The following ZNF532 variants were observed in gnomAD, a reference collection of about 807,000 sequenced individuals.
ZNF532 encodes zinc finger protein 532.
Under a neutral mutation model 89.3 loss-of-function variants are expected in ZNF532, and 22 were observed. That is an observed-to-expected ratio of 0.25 (90% CI 0.18 to 0.35). ZNF532 has a LOEUF of 0.35. Ranked by LOEUF, ZNF532 falls within the 10% of genes least tolerant of loss-of-function variation. ZNF532 has a pLI of 1.00. For missense variants in ZNF532, 1,132 were observed against 1,643.4 expected (o/e 0.69, Z 5.38); for synonymous variants, 606 against 649.6 (o/e 0.93, Z 1.02).
intron 3 of ZNF532, among the ~76,000 whole-genome samples, chr18:58,934,081 T>C (rs1052339508): frequency 6.6e-6 from 1 of 152,232 alleles, no homozygotes; most frequent in Non-Finnish European, 1.5e-5. Flanking sequence ...TGTGTATGCC[T>C]ATAAACTTGT....
chr18:58,869,922 A>G (rs942965799), intron 2 of ZNF532, among the ~76,000 whole-genome samples: 7 of 151,566 alleles, frequency 4.6e-5, no homozygotes, highest in African/African-American at 1.7e-4. Flanking sequence ...GCGTGCCACC[A>G]TGCCTGGCTA....
At chr18:58,907,910 T>G (rs2060037100) in intron 2 of ZNF532, among the ~76,000 whole-genome samples, 1 of 152,214 alleles carries the variant, frequency 6.6e-6, no homozygotes, top group Admixed American at 6.5e-5. Context: ...AGCCGCAGTC[T>G]GACTAGGAAG....
chr18:58,892,853 A>C (rs2058994968), intron 2 of ZNF532, among the ~76,000 whole-genome samples: 1 of 152,216 alleles, frequency 6.6e-6, no homozygotes. Flanking sequence ...TGGTGGGTGA[A>C]ATGATGAGAT....
chr18:58,965,026 CTT>C (rs892169553), intron 7 of ZNF532, among the ~76,000 whole-genome samples: 8 of 149,002 alleles, frequency 5.4e-5, no homozygotes, highest in Admixed American at 4.0e-4. Flanking sequence ...TTAATACTAA[CTT>C]TTATTATAAT....
chr18:58,982,671 G>A (rs920275692), intron 9 of ZNF532, among the ~76,000 whole-genome samples: 4 of 152,090 alleles, frequency 2.6e-5, no homozygotes, highest in South Asian at 2.1e-4. Context: ...TCCTGTCTTC[G>A]GTGCTATGCT....
At position 58,985,384 on chromosome 18, in the gene ZNF532, A is replaced by G. The variant is rs2068290755; in HGVS notation, c.*918A>G. 1 of 152,670 alleles carries G rather than the reference A, an allele frequency of 6.6e-6. No homozygotes were observed. The highest frequency in any genetic ancestry group is 2.4e-5 in the African/African-American group (1 of 41,456). The allele number at this position is 152,670 out of a possible 1,614,324, so 9.5% of individuals were successfully genotyped here. On this transcript the variant is annotated 3_prime_UTR_variant, in exon 10 of 10. Transcript: ENST00000591808. ...TACAGAAACACAGCTAAGAATATCA[A>G]GTATTTCTCTGGCTCTTGACAGAAA...
chr18:58,975,562 A>G (rs192721761), intron 7 of ZNF532, among the ~76,000 whole-genome samples: 121 of 152,364 alleles, frequency 7.9e-4, no homozygotes, highest in Admixed American at 4.2e-3. Flanking sequence ...AGGCCGTACC[A>G]TCCCAAGCAC....
chr18:58,901,021 C>G (rs1356162632), intron 2 of ZNF532, among the ~76,000 whole-genome samples: 3 of 152,334 alleles, frequency 2.0e-5, no homozygotes, highest in Middle Eastern at 6.8e-3. Flanking sequence ...AGCCTTGTTT[C>G]ATGGGCAGTC....
chr18:58,885,478 C>T (rs974555103), intron 2 of ZNF532, among the ~76,000 whole-genome samples: 1 of 152,152 alleles, frequency 6.6e-6, no homozygotes, highest in African/African-American at 2.4e-5. Context: ...CACCTCCTGC[C>T]TTTTGTGCAC....
At chr18:58,889,187 T>C (rs948217037) in intron 2 of ZNF532, among the ~76,000 whole-genome samples, 5 of 151,762 alleles carry the variant, frequency 3.3e-5, no homozygotes, top group Non-Finnish European at 7.4e-5. Flanking sequence ...TTTCTTTCTC[T>C]CTCTTTTCCA....
chr18:58,906,263 A>G (rs2059931352), intron 2 of ZNF532, among the ~76,000 whole-genome samples: 1 of 152,192 alleles, frequency 6.6e-6, no homozygotes, highest in African/African-American at 2.4e-5. Flanking sequence ...GATGGTTTGC[A>G]TATCCTGTTT....
rs574288792 is a variant in ZNF532, at chr18:58,957,886, G to A, written c.3150+4087G>A. Among the ~76,000 whole-genome samples, 42 of 152,094 alleles carry A rather than the reference G, an allele frequency of 2.8e-4. 1 individual carries two copies. The highest frequency in any genetic ancestry group is 8.9e-4 in the African/African-American group (37 of 41,494). Reference sequence around the variant, plus strand: ...CGAGACCCCCCCTGGCCAACATGACGAAACCCCATCTCTACTAAAAGTACA... The same window carrying A: ...CGAGACCCCCCCTGGCCAACATGACAAAACCCCATCTCTACTAAAAGTACA... On this transcript the variant is annotated intron_variant, in intron 7 of 9. Coordinates refer to ENST00000591808, the MANE Select transcript of ZNF532 (RefSeq NM_001375912.1).
intron 2 of ZNF532, among the ~76,000 whole-genome samples, chr18:58,917,256 T>C (rs1018461017): frequency 6.6e-6 from 1 of 152,220 alleles, no homozygotes; most frequent in African/African-American, 2.4e-5. Context: ...TCCAGCCCTG[T>C]TCTTCTGTTA....
At position 58,888,723 on chromosome 18, in the gene ZNF532, ATAAATTATATATATATATTT is replaced by A. The variant is rs2058510263; in HGVS notation, c.-18+23147_-18+23166del. Among the ~76,000 whole-genome samples, 8 of 36,800 alleles carry A rather than the reference ATAAATTATATATATATATTT, an allele frequency of 2.2e-4. No individual in the cohort carries two copies. The East Asian group carries it at 6.7e-3, about 31-fold the overall frequency. 24.1% of individuals were successfully genotyped at this position (36,800 alleles called of 152,430 possible). ...TATATATATATATATATATATATATATAAATTATATATATATATTTTATATATATATAAAATTAATATATA... is the reference window on the plus strand; with the variant it reads ...TATATATATATATATATATATATATATATATATATATAAAATTAATATATA... On this transcript the variant is annotated intron_variant, in intron 2 of 9. Coordinates refer to ENST00000591808, the MANE Select transcript of ZNF532 (RefSeq NM_001375912.1).
At chr18:58,945,723 A>T (rs8088160) in intron 5 of ZNF532, among the ~76,000 whole-genome samples, 42,121 of 150,974 alleles carry the variant, frequency 0.28, 6,958 homozygotes, top group East Asian at 0.6. Flanking sequence ...ATCCTTATTT[A>T]TTTATTTATT....
At chr18:58,977,745 G>C (rs1300392060) in intron 7 of ZNF532, 1 of 152,180 alleles carries the variant, frequency 6.6e-6, no homozygotes, top group Non-Finnish European at 1.5e-5. Flanking sequence ...AGCTACTCGG[G>C]AGGCTGAGGC....
intron 7 of ZNF532, among the ~76,000 whole-genome samples, chr18:58,961,762 A>C (rs1389157671): frequency 6.6e-6 from 1 of 152,190 alleles, no homozygotes; most frequent in Non-Finnish European, 1.5e-5. Context: ...AGTTGGGGTT[A>C]AGGGGAGCTT....
chr18:58,887,868 G>A (rs1464028592), intron 2 of ZNF532, among the ~76,000 whole-genome samples: 1 of 152,150 alleles, frequency 6.6e-6, no homozygotes, highest in Admixed American at 6.5e-5. Flanking sequence ...TGTGAAAGCT[G>A]CTTTATCCCT....
At chr18:58,958,065 CAAAA>C (rs71336311) in intron 7 of ZNF532, among the ~76,000 whole-genome samples, 3 of 124,582 alleles carry the variant, frequency 2.4e-5, no homozygotes, top group African/African-American at 5.9e-5. Flanking sequence ...GACAATGTGT[CAAAA>C]AAAAAAAAAA....
Sources: gnomAD v4.1 joint callset for allele counts (sites outside exome capture counted in the v4.1 genomes callset) on GRCh38, gnomAD v4.1.1 for gene constraint, MANE v1.5 for transcripts, NCBI Gene and HGNC (gene_info 2026-07-23, HGNC 2026-07-21) for gene names.